Variants in PUM1 observed in about 807,000 individuals in gnomAD.
The protein encoded by PUM1 is pumilio homolog 1.
Under a neutral mutation model 131.8 loss-of-function variants are expected in PUM1, and 13 were observed. That is an observed-to-expected ratio of 0.10 (90% CI 0.06 to 0.16). PUM1 has a LOEUF of 0.16. PUM1 is among the 10% of genes least tolerant of loss of function. The pLI is 1.00. For missense variants in PUM1, 961 were observed against 1,512.4 expected (o/e 0.64, Z 6.05); for synonymous variants, 509 against 556.5 (o/e 0.91, Z 1.20).
chr1:30,993,806 C>G (rs1295923563), intron 6 of PUM1, among the ~76,000 whole-genome samples: 3 of 152,184 alleles, frequency 2.0e-5, no homozygotes, highest in Admixed American at 6.5e-5. Flanking sequence ...CATGGTGGCT[C>G]ATGCCTGTAA....
intron 7 of PUM1, among the ~76,000 whole-genome samples, chr1:30,987,639 A>T (rs1641617205): frequency 1.3e-5 from 2 of 152,240 alleles, no homozygotes; most frequent in Admixed American, 1.3e-4. Context: ...GTTTTCCAGG[A>T]TTAAGAAGAC....
chr1:30,947,472 T>C (rs1639725858), intron 17 of PUM1, among the ~76,000 whole-genome samples: 1 of 152,126 alleles, frequency 6.6e-6, no homozygotes, highest in African/African-American at 2.4e-5. Context: ...AGAAACTGAG[T>C]CTGTGAGTAG....
At chr1:30,946,140 C>G (rs1465567906) in intron 17 of PUM1, among the ~76,000 whole-genome samples, 1 of 151,938 alleles carries the variant, frequency 6.6e-6, no homozygotes, top group Non-Finnish European at 1.5e-5. Context: ...ACAAAGAAGC[C>G]TACATCAGGA....
Position 31,054,226 on chromosome 1 carries a change from A to G in PUM1, c.363+4978T>C, listed in dbSNP as rs1570364698. On this transcript the variant is annotated intron_variant, in intron 2 of 21. Coordinates refer to ENST00000426105, the MANE Select transcript of PUM1 (RefSeq NM_001020658.2). ...CCTGTGGTCCCAGGATAGGGAGGCT[A>G]AGGCAGAAGAATCGCTTGAGCCGAG... Among the ~76,000 whole-genome samples, 4 of 151,870 alleles carry G rather than the reference A, an allele frequency of 2.6e-5. No individual in the cohort carries two copies. The South Asian group carries it at 8.3e-4, about 32-fold the overall frequency.
Position 31,048,155 on chromosome 1 carries a change from C to T in PUM1, c.363+11049G>A, listed in dbSNP as rs867451482. On this transcript the variant is annotated intron_variant, in intron 2 of 21. Transcript: ENST00000426105. ...TCGGGAGGCTGAGGCAGGAGAATGACATGAACCCAGGAGGCAGAGCTTGCA... is the reference window on the plus strand; with the variant it reads ...TCGGGAGGCTGAGGCAGGAGAATGATATGAACCCAGGAGGCAGAGCTTGCA... Among the ~76,000 whole-genome samples, 59 of 151,978 alleles carry T rather than the reference C, an allele frequency of 3.9e-4. 1 individual carries two copies. In the Middle Eastern group the frequency reaches 0.014, roughly 35 times the overall value.
At chr1:30,936,093 C>A (rs369566681) in intron 21 of PUM1, among the ~76,000 whole-genome samples, 46 of 147,606 alleles carry the variant, frequency 3.1e-4, no homozygotes, top group Middle Eastern at 6.8e-3. Context: ...CCTTCTCCTG[C>A]AAAGCCGGCC....
At position 31,033,011 on chromosome 1, in the gene PUM1, C is replaced by T. The variant is rs985932474; in HGVS notation, c.364-4147G>A. 4.0e-5 allele frequency among the ~76,000 whole-genome samples: 6 copies of T among 149,898 alleles called. No individual in the cohort carries two copies. In the South Asian group the frequency reaches 1.3e-3, roughly 32 times the overall value. On this transcript the variant is annotated intron_variant, in intron 2 of 21. Transcript: ENST00000426105. The stretch of plus-strand genomic sequence containing the variant: ...GTCTCAGCCACTCGGGAGGCCGAGG[C>T]AGGAGAATCGCTTGAATCCTGTCTC...
At chr1:31,053,294 C>A (rs556707823) in intron 2 of PUM1, among the ~76,000 whole-genome samples, 19 of 151,380 alleles carry the variant, frequency 1.3e-4, no homozygotes, top group African/African-American at 4.6e-4. Flanking sequence ...GCCACCACGC[C>A]CAGTCCACAT....
At chr1:31,051,552 C>T (rs1191055296) in intron 2 of PUM1, among the ~76,000 whole-genome samples, 1 of 152,072 alleles carries the variant, frequency 6.6e-6, no homozygotes, top group Non-Finnish European at 1.5e-5. Flanking sequence ...ATCCGCCTGC[C>T]TTGGCCTCCC....
intron 21 of PUM1, among the ~76,000 whole-genome samples, chr1:30,936,254 G>A (rs1341688855): frequency 6.6e-6 from 1 of 151,896 alleles, no homozygotes; most frequent in African/African-American, 2.4e-5. Context: ...GTGGGCTTCA[G>A]GTCAATGTAC....
rs1639024967 is a variant in PUM1, at chr1:30,933,140, T to G, written c.*71A>C. On this transcript the variant is annotated 3_prime_UTR_variant, in exon 22 of 22. Coordinates refer to ENST00000426105, the MANE Select transcript of PUM1 (RefSeq NM_001020658.2). ...CTCAGACTCTACACTAGAACATTTCTGGTTGCTGGTTGGATTTGCCAGTGG... is the reference window on the plus strand; with the variant it reads ...CTCAGACTCTACACTAGAACATTTCGGGTTGCTGGTTGGATTTGCCAGTGG... 3.9e-6 allele frequency: 6 copies of G among 1,537,144 alleles called. No homozygotes were observed. Among genetic ancestry groups the G allele is most frequent in the Non-Finnish European group, 5.3e-6 (6 of 1,137,612 alleles).
At chr1:31,056,555 T>C (rs1644242245) in intron 2 of PUM1, among the ~76,000 whole-genome samples, 1 of 150,748 alleles carries the variant, frequency 6.6e-6, no homozygotes, top group Non-Finnish European at 1.5e-5. Flanking sequence ...AGTGTTGAGA[T>C]TGCAGGGGTG....
At chr1:30,983,023 T>C (rs184231487) in intron 7 of PUM1, among the ~76,000 whole-genome samples, 1 of 152,334 alleles carries the variant, frequency 6.6e-6, no homozygotes, top group East Asian at 1.9e-4. Flanking sequence ...TATCAAGTCT[T>C]AAAAAGAAAT....
At chr1:30,943,590 A>G (rs1639550530) in intron 18 of PUM1, among the ~76,000 whole-genome samples, 1 of 152,148 alleles carries the variant, frequency 6.6e-6, no homozygotes, top group Non-Finnish European at 1.5e-5. Flanking sequence ...TCCCCTGCTC[A>G]TGGTCTTCTG....
chr1:31,019,501 G>A (rs930278467), intron 3 of PUM1, among the ~76,000 whole-genome samples: 7 of 152,146 alleles, frequency 4.6e-5, no homozygotes, highest in Non-Finnish European at 8.8e-5. Context: ...GTCTGTCAAC[G>A]ACTTCATCCT....
chr1:31,041,881 G>T (rs1039606004), intron 2 of PUM1, among the ~76,000 whole-genome samples: 2 of 151,990 alleles, frequency 1.3e-5, no homozygotes, highest in African/African-American at 2.4e-5. Flanking sequence ...AAAAAAAAAT[G>T]AGAAAGATAA....
chr1:31,005,805 G>A (rs1039691066), intron 5 of PUM1, 48 bp downstream of exon 5: 4 of 1,457,536 alleles, frequency 2.7e-6, no homozygotes, highest in Non-Finnish European at 3.7e-6. Flanking sequence ...GAGAGAGAGA[G>A]AGAGAGAGAG....
intron 21 of PUM1, 25 bp downstream of exon 21, chr1:30,936,618 T>C (rs1639221097): frequency 3.8e-6 from 6 of 1,598,168 alleles, no homozygotes; most frequent in African/African-American, 1.3e-5. Flanking sequence ...ACACTTTCTC[T>C]GAGACCCTGC....
intron 14 of PUM1, among the ~76,000 whole-genome samples, chr1:30,963,139 T>C (rs1640485702): frequency 6.6e-6 from 1 of 152,202 alleles, no homozygotes; most frequent in African/African-American, 2.4e-5. Context: ...ATAATACCTA[T>C]ACCTTCCAGT....
Sources: gnomAD v4.1 joint callset for allele counts (sites outside exome capture counted in the v4.1 genomes callset) on GRCh38, gnomAD v4.1.1 for gene constraint, MANE v1.5 for transcripts, NCBI Gene and HGNC (gene_info 2026-07-23, HGNC 2026-07-21) for gene names.